Variants in PLSCR4 observed in about 807,000 individuals in gnomAD.
PLSCR4 encodes the protein phospholipid scramblase 4, also known as Ca(2+)-dependent phospholipid scramblase 4.
A neutral mutation model predicts 36.3 loss-of-function variants in PLSCR4; 25 were observed. That is an observed-to-expected ratio of 0.69 (90% CI 0.50 to 0.96). The LOEUF (loss-of-function observed/expected upper bound fraction) is 0.96. Among genes scored for constraint, PLSCR4 ranks in the 40% least tolerant of loss-of-function variants. PLSCR4 has a pLI of 0.00. For synonymous variants in PLSCR4, 122 were observed against 132.9 expected (o/e 0.92, Z 0.56); for missense variants, 408 against 414.7 (o/e 0.98, Z 0.14).
chr3:146,194,700 C>A (rs966006870), intron 8 of PLSCR4, among the ~76,000 whole-genome samples: 1 of 152,098 alleles, frequency 6.6e-6, no homozygotes, highest in African/African-American at 2.4e-5. Context: ...TTCATAATCT[C>A]AGGATTGGAC....
At chr3:146,224,601 T>G (rs1458973884) in intron 1 of PLSCR4, among the ~76,000 whole-genome samples, 2 of 152,010 alleles carry the variant, frequency 1.3e-5, no homozygotes, top group Admixed American at 6.5e-5. Flanking sequence ...ATAAAAGCAG[T>G]GTGGACCCAA....
At chr3:146,213,916 TTTA>T (rs2034760946) in intron 3 of PLSCR4, among the ~76,000 whole-genome samples, 1 of 152,122 alleles carries the variant, frequency 6.6e-6, no homozygotes, top group Non-Finnish European at 1.5e-5. Flanking sequence ...GTGTTTTATT[TTTA>T]TTTTTATTTT....
intron 3 of PLSCR4, among the ~76,000 whole-genome samples, chr3:146,212,018 C>T (rs1037719515): frequency 2.6e-5 from 4 of 151,922 alleles, no homozygotes; most frequent in African/African-American, 4.8e-5. Context: ...ATTGTTTAGG[C>T]TATTCTGAAT....
At chr3:146,197,913 CTCATA>C (rs1244295464) in intron 6 of PLSCR4, among the ~76,000 whole-genome samples, 1 of 151,824 alleles carries the variant, frequency 6.6e-6, no homozygotes, top group Non-Finnish European at 1.5e-5. Context: ...TCATAGAGCT[CTCATA>C]TAAGTTTAAA....
rs141496111 is a variant in PLSCR4, at chr3:146,206,616, A to G, written c.264T>C (p.Tyr88=). The part of the protein sequence containing the change: ...IHPVRYQPGK[Y]PMPNQSVPIT... ...TTGGAACAGACTGATTTGGCATAGG[A>G]TATTTGCCAGGCTGATACCGGACAG... Residue 88 remains tyrosine (Y), a synonymous_variant, in exon 4 of 9, where the codon TAT becomes TAC. Coordinates refer to ENST00000354952, the MANE Select transcript of PLSCR4 (RefSeq NM_020353.3). 1,907 of 1,613,376 alleles carry G rather than the reference A, an allele frequency of 1.2e-3. 1 individual carries two copies. The highest frequency in any genetic ancestry group is 1.4e-3 in the Non-Finnish European group (1,702 of 1,179,682).
chr3:146,216,987 C>G (rs911497749), intron 3 of PLSCR4, among the ~76,000 whole-genome samples: 5 of 152,080 alleles, frequency 3.3e-5, no homozygotes, highest in Non-Finnish European at 7.4e-5. Context: ...TCTCCTAATA[C>G]TATCTGAAAA....
chr3:146,217,259 C>T (rs1222489039), intron 3 of PLSCR4, among the ~76,000 whole-genome samples: 1 of 152,140 alleles, frequency 6.6e-6, no homozygotes, highest in Non-Finnish European at 1.5e-5. Flanking sequence ...GGTACCTAAC[C>T]TATGCAGAGA....
At chr3:146,195,338 A>C (rs930399508) in intron 7 of PLSCR4, 56 bp from the exon 8 acceptor site, 16 of 1,349,846 alleles carry the variant, frequency 1.2e-5, no homozygotes, top group Non-Finnish European at 1.7e-5. Context: ...AGCATGTTTT[A>C]ATGTTCTGCT....
chr3:146,206,404 C>T, intron 4 of PLSCR4, 122 bp downstream of exon 4: 2 of 675,594 alleles, frequency 3.0e-6, no homozygotes, highest in Non-Finnish European at 5.2e-6. Context: ...TATAGTTTCA[C>T]AAATGGCATC....
At chr3:146,205,006 A>G (rs1200915733) in intron 4 of PLSCR4, among the ~76,000 whole-genome samples, 2 of 152,044 alleles carry the variant, frequency 1.3e-5, no homozygotes, top group Non-Finnish European at 2.9e-5. Flanking sequence ...ATGTTATAAT[A>G]TTATACAAAT....
intron 3 of PLSCR4, among the ~76,000 whole-genome samples, chr3:146,216,009 T>A (rs1021760334): frequency 6.6e-6 from 1 of 152,112 alleles, no homozygotes; most frequent in South Asian, 2.1e-4. Flanking sequence ...GGTGAGTGGA[T>A]CACCTGAGGT....
At chr3:146,205,062 A>G (rs143435455) in intron 4 of PLSCR4, among the ~76,000 whole-genome samples, 81 of 152,162 alleles carry the variant, frequency 5.3e-4, no homozygotes, top group African/African-American at 1.9e-3. Context: ...AATATACAGA[A>G]TTGAAAAGAG....
intron 3 of PLSCR4, 71 bp from the exon 4 acceptor site, chr3:146,206,832 G>A: frequency 9.7e-6 from 9 of 930,408 alleles, no homozygotes; most frequent in Non-Finnish European, 1.5e-5. Flanking sequence ...TACATGCGAT[G>A]AAATAGATCA....
chr3:146,197,476 T>C (rs1463777870), intron 6 of PLSCR4, among the ~76,000 whole-genome samples: 1 of 152,128 alleles, frequency 6.6e-6, no homozygotes, highest in African/African-American at 2.4e-5. Flanking sequence ...GATTTGAAAT[T>C]GGGTAAAATC....
intron 1 of PLSCR4, among the ~76,000 whole-genome samples, chr3:146,239,206 T>C (rs1374380536): frequency 6.6e-6 from 1 of 152,170 alleles, no homozygotes; most frequent in African/African-American, 2.4e-5. Flanking sequence ...AAGTTGCCTT[T>C]TTCCAGAAAC....
At chr3:146,196,884 C>T in intron 6 of PLSCR4, 91 bp from the exon 7 acceptor site, 1 of 1,091,566 alleles carries the variant, frequency 9.2e-7, no homozygotes, top group Non-Finnish European at 1.3e-6. Flanking sequence ...TGTGTCCTCA[C>T]TCATTCAAAG....
chr3:146,235,119 A>G (rs1334150541), intron 1 of PLSCR4, among the ~76,000 whole-genome samples: 1 of 152,096 alleles, frequency 6.6e-6, no homozygotes, highest in Non-Finnish European at 1.5e-5. Flanking sequence ...AACCAGAAAA[A>G]CCTCCACTGA....
intron 3 of PLSCR4, among the ~76,000 whole-genome samples, chr3:146,217,750 C>A (rs903742400): frequency 1.3e-5 from 2 of 152,120 alleles, no homozygotes; most frequent in Non-Finnish European, 2.9e-5. Flanking sequence ...AGTTTAGAAG[C>A]AAGATAACAA....
chr3:146,194,973 T>G (rs1217437426), intron 8 of PLSCR4, 151 bp downstream of exon 8: 4 of 599,848 alleles, frequency 6.7e-6, no homozygotes, highest in Non-Finnish European at 8.5e-6. Flanking sequence ...ACTGAGGCTT[T>G]CAAGTGTAAA....
Sources: gnomAD v4.1 joint callset for allele counts (sites outside exome capture counted in the v4.1 genomes callset) on GRCh38, gnomAD v4.1.1 for gene constraint, MANE v1.5 for transcripts, NCBI Gene and HGNC (gene_info 2026-07-23, HGNC 2026-07-21) for gene names.